Variants in RAD51B observed in about 807,000 individuals in gnomAD.
RAD51B encodes DNA repair protein RAD51 homolog 2.
In RAD51B, 38 loss-of-function variants were observed where a neutral mutation model predicts 42.2. The observed-to-expected ratio is 0.90, with a 90% confidence interval of 0.70 to 1.18. RAD51B has a LOEUF of 1.18. RAD51B is among the 50% of genes most tolerant of loss of function. The pLI is 0.00. For missense variants in RAD51B, 373 were observed against 400.7 expected (o/e 0.93, Z 0.59); for synonymous variants, 154 against 145.2 (o/e 1.06, Z -0.43).
intron 7 of RAD51B, among the ~76,000 whole-genome samples, chr14:68,140,450 C>A (rs921546198): frequency 2.0e-5 from 3 of 152,188 alleles, no homozygotes; most frequent in Non-Finnish European, 4.4e-5. Flanking sequence ...AGCAATAACC[C>A]CTAACAACCA....
At chr14:68,183,532 T>C (rs933195221) in intron 7 of RAD51B, among the ~76,000 whole-genome samples, 1 of 152,216 alleles carries the variant, frequency 6.6e-6, no homozygotes, top group Non-Finnish European at 1.5e-5. Flanking sequence ...CCAGGAATAA[T>C]ACTTTGCATC....
chr14:68,116,383 G>A (rs945941852), intron 7 of RAD51B, among the ~76,000 whole-genome samples: 1 of 151,128 alleles, frequency 6.6e-6, no homozygotes, highest in Non-Finnish European at 1.5e-5. Context: ...TTTTCAAGTT[G>A]GTAATGGTTT....
At chr14:68,184,625 C>CAAAAAAAAAAAAAAAAAAAAAAAAAA (rs3073458) in intron 7 of RAD51B, among the ~76,000 whole-genome samples, 1 of 132,380 alleles carries the variant, frequency 7.6e-6, no homozygotes, top group Non-Finnish European at 1.6e-5. Flanking sequence ...AAAAAAAAAC[C>CAAAAAAAAAAAAAAAAAAAAAAAAAA]AAAAAAAAAA....
intron 7 of RAD51B, among the ~76,000 whole-genome samples, chr14:68,199,686 G>C (rs914555282): frequency 2.0e-5 from 3 of 152,182 alleles, no homozygotes; most frequent in Non-Finnish European, 4.4e-5. Flanking sequence ...TTTGGTCCGA[G>C]ACCCAATAGA....
At chr14:67,822,929 T>C (rs1024025527) in intron 1 of RAD51B, among the ~76,000 whole-genome samples, 5 of 152,334 alleles carry the variant, frequency 3.3e-5, no homozygotes, top group Middle Eastern at 3.4e-3. Context: ...CAGTTATTTA[T>C]GTTTTCTGGT....
intron 7 of RAD51B, among the ~76,000 whole-genome samples, chr14:68,073,127 G>T (rs1443228127): frequency 6.6e-6 from 1 of 152,190 alleles, no homozygotes; most frequent in African/African-American, 2.4e-5. Context: ...GGTGTTGGAA[G>T]TTTCCCACTA....
In RAD51B at chr14:68,034,622, T is replaced by C. The variant is rs112055852; in HGVS notation, c.756+147418T>C. The stretch of plus-strand genomic sequence containing the variant: ...ATGTTGAAAAGATAGTTTATTTATA[T>C]AACCCCATTTGATACAAAATTCACA... On this transcript the variant is annotated intron_variant, in intron 7 of 10. Coordinates refer to ENST00000471583, the MANE Select transcript of RAD51B (RefSeq NM_133510.4). Among the ~76,000 whole-genome samples, 587 of 152,308 alleles carry C rather than the reference T, an allele frequency of 3.9e-3. 6 individuals are homozygous for C. The highest frequency in any genetic ancestry group is 0.013 in the African/African-American group (553 of 41,560).
chr14:68,391,660 C>G (rs898195728), intron 8 of RAD51B, among the ~76,000 whole-genome samples: 6 of 151,666 alleles, frequency 4.0e-5, no homozygotes, highest in African/African-American at 1.5e-4. Context: ...TATCATGAAG[C>G]CTTTGACTTT....
chr14:67,887,269 T>A, intron 7 of RAD51B, 65 bp downstream of exon 7: 4 of 1,303,674 alleles, frequency 3.1e-6, no homozygotes, highest in Non-Finnish European at 4.3e-6. Flanking sequence ...TTACATTCAC[T>A]GACTTATGGT....
chr14:68,596,605 G>A (rs146784763), downstream of RAD51B, among the ~76,000 whole-genome samples: 13 of 152,280 alleles, frequency 8.5e-5, no homozygotes, highest in Admixed American at 7.8e-4. Context: ...ATGAGTGGAC[G>A]AAGGGAGTAA....
intron 10 of RAD51B, among the ~76,000 whole-genome samples, chr14:68,552,667 G>A (rs1001996752): frequency 2.0e-5 from 3 of 152,074 alleles, no homozygotes; most frequent in African/African-American, 7.2e-5. Flanking sequence ...AGCAAATTTA[G>A]TGCATTCCCT....
At chr14:68,373,759 C>T (rs899359707) in intron 8 of RAD51B, among the ~76,000 whole-genome samples, 3 of 152,164 alleles carry the variant, frequency 2.0e-5, no homozygotes, top group Non-Finnish European at 4.4e-5. Context: ...ACATTCTACA[C>T]GTGTATCCCA....
At chr14:68,653,801 G>C (rs772267371) in intron 11 of RAD51B, among the ~76,000 whole-genome samples, 1 of 152,232 alleles carries the variant, frequency 6.6e-6, no homozygotes, top group Admixed American at 6.5e-5. Flanking sequence ...TGAAGGATGG[G>C]TGCAATTTTT....
intron 10 of RAD51B, chr14:68,541,092 G>A (rs955718454): frequency 6.1e-6 from 6 of 985,220 alleles, no homozygotes; most frequent in Non-Finnish European, 6.0e-6. Context: ...CACAGAGAAG[G>A]AAGCCCTCTG....
chr14:67,883,762 G>A (rs1351744612), intron 5 of RAD51B, among the ~76,000 whole-genome samples: 1 of 152,024 alleles, frequency 6.6e-6, no homozygotes, highest in Non-Finnish European at 1.5e-5. Context: ...ACCCTATGAG[G>A]TAAGGGCTTT....
intron 8 of RAD51B, among the ~76,000 whole-genome samples, chr14:68,408,076 GACAACAGGCA>G (rs1186370782): frequency 4.6e-5 from 7 of 152,134 alleles, no homozygotes; most frequent in Non-Finnish European, 1.0e-4. Flanking sequence ...CAGCAGCACA[GACAACAGGCA>G]ACTAAAGCAG....
chr14:67,909,568 G>C (rs2140109969), intron 7 of RAD51B, among the ~76,000 whole-genome samples: 1 of 152,322 alleles, frequency 6.6e-6, no homozygotes, highest in South Asian at 2.1e-4. Flanking sequence ...CTAAGTATCA[G>C]AGGAGTTTGA....
At chr14:68,188,041 C>G (rs2079191371) in intron 7 of RAD51B, among the ~76,000 whole-genome samples, 1 of 152,168 alleles carries the variant, frequency 6.6e-6, no homozygotes, top group Admixed American at 6.5e-5. Flanking sequence ...TCTTGAACTC[C>G]TGACCTCAAG....
At position 68,455,870 on chromosome 14, in the gene RAD51B, A is replaced by T. The variant is rs2085672871; in HGVS notation, c.958-12302A>T. Among the ~76,000 whole-genome samples, 4 of 152,378 alleles carry T rather than the reference A, an allele frequency of 2.6e-5. No individual in the cohort carries two copies. The South Asian group carries it at 8.3e-4, about 32-fold the overall frequency. The stretch of plus-strand genomic sequence containing the variant: ...GATAACTGCAAAAAGCAAGAATTAT[A>T]AAACTGTGTAGATGGGCTTATAATG... On this transcript the variant is annotated intron_variant, in intron 9 of 10. Transcript: ENST00000471583.
Sources: allele counts gnomAD v4.1 joint callset (sites outside exome capture counted in the v4.1 genomes callset), GRCh38; gene constraint gnomAD v4.1.1; transcripts MANE v1.5; gene names NCBI Gene and HGNC (gene_info 2026-07-23, HGNC 2026-07-21).